SCYL2: variants seen among roughly 807,000 people sequenced by gnomAD.
SCYL2 encodes the protein SCY1 like pseudokinase 2, also known as SCY1-like protein 2.
Under a neutral mutation model 100.4 loss-of-function variants are expected in SCYL2, and 36 were observed. That is an observed-to-expected ratio of 0.36 (90% confidence interval 0.27 to 0.47). The LOEUF (loss-of-function observed/expected upper bound fraction) is 0.47, where lower values mean the gene tolerates loss of function less well. SCYL2 is among the 20% of genes least tolerant of loss of function. The pLI, the probability that SCYL2 is intolerant of heterozygous loss-of-function variation, is 1.00. For missense variants in SCYL2, 902 were observed against 1,083.9 expected (o/e 0.83, Z 2.36); for synonymous variants, 330 against 359.2 (o/e 0.92, Z 0.92).
chr12:100,293,537 T>A (rs2096313089), intron 3 of SCYL2, among the ~76,000 whole-genome samples: 1 of 152,080 alleles, frequency 6.6e-6, no homozygotes, highest in Non-Finnish European at 1.5e-5. Context: ...TTTATTTATT[T>A]TTTATTTTTT....
chr12:100,267,934 G>A (rs1283219945), intron 1 of SCYL2, 142 bp downstream of exon 1: 1 of 152,214 alleles, frequency 6.6e-6, no homozygotes, highest in Non-Finnish European at 1.5e-5. Context: ...GGTGGGGCAG[G>A]GGTTTTGTTA....
chr12:100,306,873 A>G (rs756932972), intron 4 of SCYL2, among the ~76,000 whole-genome samples: 4 of 152,248 alleles, frequency 2.6e-5, no homozygotes, highest in African/African-American at 7.2e-5. Flanking sequence ...GAGCCAAATC[A>G]TAAGTGAACT....
At chr12:100,288,672 C>G (rs1192923755) in intron 2 of SCYL2, among the ~76,000 whole-genome samples, 1 of 151,502 alleles carries the variant, frequency 6.6e-6, no homozygotes, top group Non-Finnish European at 1.5e-5. Flanking sequence ...CTCGTCTCTA[C>G]AAAAAAATTA....
chr12:100,312,737 T>G, intron 6 of SCYL2, 84 bp downstream of exon 6: 1 of 897,348 alleles, frequency 1.1e-6, no homozygotes, highest in South Asian at 1.6e-5. Context: ...TTCAGGAAAT[T>G]CTTTAAATGA....
intron 16 of SCYL2, 142 bp downstream of exon 16, chr12:100,336,048 T>C (rs1023598543): frequency 1.5e-6 from 1 of 656,264 alleles, no homozygotes; most frequent in African/African-American, 1.8e-5. Context: ...CTTTATCAGT[T>C]AAACATGACC....
At chr12:100,284,375 T>C (rs957904523) in intron 2 of SCYL2, among the ~76,000 whole-genome samples, 25 of 152,216 alleles carry the variant, frequency 1.6e-4, no homozygotes, top group African/African-American at 5.5e-4. Flanking sequence ...TTTTTCTGTA[T>C]TTATTGCTTT....
Position 100,340,389 on chromosome 12 carries a change from CTTATGCTATAAAT to C in SCYL2, c.*1218_*1230del, listed in dbSNP as rs2135952641. 1.3e-5 allele frequency: 2 copies of C among 152,202 alleles called. 1 individual carries two copies. The highest frequency in any genetic ancestry group is 4.1e-4 in the South Asian group (2 of 4,834). The allele number at this position is 152,202 out of a possible 1,614,324, so 9.4% of individuals were successfully genotyped here. A position where few individuals can be genotyped will look rare whatever the true frequency, so the allele number is the denominator to read the frequency against. ...TTTGCTGATTATTCAACCACAGAGC[CTTATGCTATAAAT>C]GTCATTTGTATTTTAAAAAATAATA... On this transcript the variant is annotated 3_prime_UTR_variant, in exon 18 of 18. Transcript: ENST00000360820.
At chr12:100,295,358 A>G (rs9804840) in intron 3 of SCYL2, among the ~76,000 whole-genome samples, 7 of 152,000 alleles carry the variant, frequency 4.6e-5, no homozygotes, top group Non-Finnish European at 7.4e-5. Flanking sequence ...GCTGGGAGGT[A>G]GAGGTTGTAG....
At chr12:100,337,300 A>G (rs1952290502) in intron 16 of SCYL2, 87 bp from the exon 17 acceptor site, 2 of 1,536,832 alleles carry the variant, frequency 1.3e-6, no homozygotes, top group East Asian at 2.3e-5. Flanking sequence ...AAGTAGTAAG[A>G]TGTACTTTAC....
intron 13 of SCYL2, 41 bp downstream of exon 13, chr12:100,329,360 C>A: frequency 1.0e-6 from 1 of 980,726 alleles, no homozygotes; most frequent in Non-Finnish European, 1.6e-6. Flanking sequence ...ATTCAGCTTA[C>A]TTTTTTCTTG....
intron 13 of SCYL2, among the ~76,000 whole-genome samples, chr12:100,333,102 C>T (rs1385264235): frequency 1.3e-5 from 2 of 150,412 alleles, no homozygotes; most frequent in Admixed American, 6.6e-5. Context: ...TGTCTGTGCA[C>T]TTTGACATGT....
At chr12:100,282,584 C>T (rs937872528) in intron 1 of SCYL2, among the ~76,000 whole-genome samples, 7 of 152,100 alleles carry the variant, frequency 4.6e-5, no homozygotes, top group Admixed American at 1.3e-4. Context: ...CTTGGCCTCC[C>T]GAAGTGCTGA....
intron 2 of SCYL2, among the ~76,000 whole-genome samples, chr12:100,284,753 G>A (rs1418653413): frequency 8.5e-5 from 13 of 152,090 alleles, no homozygotes; most frequent in African/African-American, 2.2e-4. Context: ...ATGAGCCACC[G>A]CGCCCGGCCT....
At chr12:100,310,089 C>T (rs1482453529) in intron 4 of SCYL2, among the ~76,000 whole-genome samples, 1 of 151,992 alleles carries the variant, frequency 6.6e-6, no homozygotes, top group East Asian at 1.9e-4. Flanking sequence ...ACCACCACTT[C>T]CCAGGTTCAA....
rs549765185 is a variant in SCYL2, at chr12:100,307,660, A to G, written c.481-3384A>G. On this transcript the variant is annotated intron_variant, in intron 4 of 17. Transcript: ENST00000360820. ...TTGAGAAGTGGGATCTAATTAAACT[A>G]AAGAGCTTTTGCACAGCAAAAGAAA... 1.7e-4 allele frequency among the ~76,000 whole-genome samples: 26 copies of G among 152,298 alleles called. No individual in the cohort carries two copies. The East Asian group carries it at 4.6e-3, about 27-fold the overall frequency.
In SCYL2 at chr12:100,338,646, G is replaced by A; in HGVS notation, c.2264G>A (p.Gly755Asp). The change falls in exon 18 of 18, where the codon GGT becomes GAT. Residue 755 changes from glycine (G) to aspartate (D), a missense_variant. Physicochemically the swap from Gly to Asp is moderately conservative, Grantham distance 94 (BLOSUM62 -1). Coordinates refer to ENST00000360820, the MANE Select transcript of SCYL2 (RefSeq NM_017988.6). ...TFTSVPSMGI[G>D]MMFSTPTDNT... ...ACTTCTGTTCCTTCCATGGGCATTG[G>A]TATGATGTTTTCTACACCAACTGAT... 6.2e-7 allele frequency: 1 copy of A among 1,613,938 alleles called. No homozygotes were observed. The highest frequency in any genetic ancestry group is 8.5e-7 in the Non-Finnish European group (1 of 1,179,948).
intron 2 of SCYL2, among the ~76,000 whole-genome samples, chr12:100,287,054 C>T (rs2096305183): frequency 6.6e-6 from 1 of 152,026 alleles, no homozygotes; most frequent in Non-Finnish European, 1.5e-5. Flanking sequence ...CAGTCACCAC[C>T]AGCCAGTCAT....
chr12:100,267,818 G>A lies in SCYL2; in HGVS notation c.-29+26G>A, dbSNP rs561657198. 2.0e-5 allele frequency: 3 copies of A among 152,550 alleles called. No individual in the cohort carries two copies. The East Asian group carries it at 5.8e-4, about 29-fold the overall frequency. 9.4% of individuals were successfully genotyped at this position (152,550 alleles called of 1,614,324 possible). ...GTGAGAGAGTTCACCTCAGTTCTGA[G>A]GTCCGGAATCCGGTAGCCTGGGTCA... is the stretch of plus-strand genomic sequence containing the variant. On this transcript the variant is annotated intron_variant, in intron 1 of 17. Transcript: ENST00000360820.
At chr12:100,298,637 C>CCTCCCTGCAACCTCCAG (rs1378974110) in intron 4 of SCYL2, among the ~76,000 whole-genome samples, 2,596 of 152,208 alleles carry the variant, frequency 0.017, 73 homozygotes, top group African/African-American at 0.06. Flanking sequence ...GCAACCTCCA[C>CCTCCCTGCAACCTCCAG]CTCCCTGCAA....
Sources: gnomAD v4.1 joint callset for allele counts (sites outside exome capture counted in the v4.1 genomes callset) on GRCh38, gnomAD v4.1.1 for gene constraint, MANE v1.5 for transcripts, NCBI Gene and HGNC (gene_info 2026-07-23, HGNC 2026-07-21) for gene names.